Variants in ZNF385B observed in about 807,000 individuals in gnomAD.
ZNF385B encodes the protein zinc finger protein 385B.
A neutral mutation model predicts 39.2 loss-of-function variants in ZNF385B; 23 were observed. The observed-to-expected ratio is 0.59, with a 90% CI of 0.42 to 0.83. The LOEUF (loss-of-function observed/expected upper bound fraction) is 0.83, where lower values mean the gene tolerates loss of function less well. ZNF385B is among the 40% of genes least tolerant of loss of function. The pLI, the probability that ZNF385B is intolerant of heterozygous loss-of-function variation, is 0.00. For missense variants in ZNF385B, 552 were observed against 598.9 expected, an observed-to-expected ratio of 0.92 and a Z score of 0.82; for synonymous variants, 205 against 222.6, an observed-to-expected ratio of 0.92 and a Z score of 0.70.
intron 7 of ZNF385B, 71 bp from the exon 8 acceptor site, chr2:179,445,799 T>C: frequency 7.1e-7 from 1 of 1,404,096 alleles, no homozygotes; most frequent in Non-Finnish European, 9.4e-7. Context: ...TTCTTATCCT[T>C]GAGAAGTTTA....
intron 4 of ZNF385B, among the ~76,000 whole-genome samples, chr2:179,535,829 A>G (rs2059527789): frequency 6.6e-6 from 1 of 152,228 alleles, no homozygotes; most frequent in Non-Finnish European, 1.5e-5. Flanking sequence ...ATTCATCTTT[A>G]GCACCCTCAA....
At chr2:179,524,412 C>A (rs1411634293) in intron 4 of ZNF385B, among the ~76,000 whole-genome samples, 3 of 151,176 alleles carry the variant, frequency 2.0e-5, no homozygotes, top group East Asian at 1.9e-4. Context: ...ATTAGCCGGG[C>A]GTGGTGGTGG....
At chr2:179,601,034 C>T (rs1688368430) in intron 3 of ZNF385B, among the ~76,000 whole-genome samples, 1 of 152,212 alleles carries the variant, frequency 6.6e-6, no homozygotes, top group African/African-American at 2.4e-5. Flanking sequence ...ATTATAAACA[C>T]ATAGGCCATT....
chr2:179,598,461 C>T (rs1362875740), intron 3 of ZNF385B, among the ~76,000 whole-genome samples: 3 of 152,076 alleles, frequency 2.0e-5, no homozygotes, highest in African/African-American at 4.8e-5. Context: ...ATGGTTCTAA[C>T]GTGCTTTAGT....
Position 179,556,263 on chromosome 2 carries a change from C to T in ZNF385B, c.299-11294G>A, listed in dbSNP as rs146158235. Among the ~76,000 whole-genome samples the T allele has an allele frequency of 2.1e-3, 307 of 149,646 alleles. 14 individuals are homozygous for T. Among genetic ancestry groups the T allele is most frequent in the Middle Eastern group, 3.5e-3 (1 of 286 alleles). On this transcript the variant is annotated intron_variant, in intron 3 of 9. Coordinates refer to ENST00000410066, the MANE Select transcript of ZNF385B (RefSeq NM_152520.6). ...AACTATAGTTTCGTCAAACATGTGA[C>T]ATACTTCACTGGCTGCAATCCTTTT...
chr2:179,644,531 T>G (rs1281723149), intron 3 of ZNF385B, among the ~76,000 whole-genome samples: 1 of 152,208 alleles, frequency 6.6e-6, no homozygotes, highest in African/African-American at 2.4e-5. Flanking sequence ...GCCACAAATC[T>G]TTTAAAACTC....
chr2:179,624,277 C>A (rs1428503830), intron 3 of ZNF385B, among the ~76,000 whole-genome samples: 1 of 152,138 alleles, frequency 6.6e-6, no homozygotes, highest in African/African-American at 2.4e-5. Context: ...GTGATTCTTC[C>A]CAGAAGGGTC....
chr2:179,661,525 C>T (rs1336619639), intron 3 of ZNF385B, among the ~76,000 whole-genome samples: 1 of 152,158 alleles, frequency 6.6e-6, no homozygotes, highest in Non-Finnish European at 1.5e-5. Context: ...CTTATTGATT[C>T]TGTATCTCTG....
chr2:179,752,168 AGT>A (rs1017071882), intron 3 of ZNF385B, among the ~76,000 whole-genome samples: 1 of 151,896 alleles, frequency 6.6e-6, no homozygotes, highest in African/African-American at 2.4e-5. Flanking sequence ...CCCACCTATG[AGT>A]GAGAACACGT....
At chr2:179,605,075 T>C (rs977907159) in intron 3 of ZNF385B, among the ~76,000 whole-genome samples, 1 of 152,130 alleles carries the variant, frequency 6.6e-6, no homozygotes, top group African/African-American at 2.4e-5. Flanking sequence ...ATCTCAAGGA[T>C]TTTGGATGCC....
chr2:179,523,348 G>GTTTT (rs574497139), intron 4 of ZNF385B, among the ~76,000 whole-genome samples: 108 of 108,630 alleles, frequency 9.9e-4, no homozygotes, highest in African/African-American at 3.1e-3. Flanking sequence ...ATCTGTGTGC[G>GTTTT]TTTTTTTTTT....
At chr2:179,495,831 T>A (rs1165157159) in intron 5 of ZNF385B, among the ~76,000 whole-genome samples, 3 of 152,080 alleles carry the variant, frequency 2.0e-5, no homozygotes, top group Non-Finnish European at 4.4e-5. Context: ...ACAGCTTAGA[T>A]CACAATACCC....
chr2:179,489,176 C>G (rs763874842), intron 5 of ZNF385B, among the ~76,000 whole-genome samples: 1 of 152,166 alleles, frequency 6.6e-6, no homozygotes, highest in Non-Finnish European at 1.5e-5. Flanking sequence ...GAAGGTATTA[C>G]GGGCAAAGGG....
intron 3 of ZNF385B, among the ~76,000 whole-genome samples, chr2:179,715,450 T>C (rs1700274856): frequency 6.6e-6 from 1 of 152,166 alleles, no homozygotes. Flanking sequence ...ATGAGGATTG[T>C]AGGTAACTCC....
chr2:179,589,292 C>G (rs893695737), intron 3 of ZNF385B, among the ~76,000 whole-genome samples: 4 of 152,188 alleles, frequency 2.6e-5, no homozygotes, highest in African/African-American at 9.7e-5. Context: ...TAACTCTGGT[C>G]TAACTGGCTC....
chr2:179,792,888 A>G (rs758330102), intron 1 of ZNF385B, among the ~76,000 whole-genome samples: 5 of 152,234 alleles, frequency 3.3e-5, no homozygotes, highest in Admixed American at 6.5e-5. Flanking sequence ...CTCTGTTTGC[A>G]TAAGGCTGAA....
intron 3 of ZNF385B, among the ~76,000 whole-genome samples, chr2:179,709,995 A>G (rs1031651485): frequency 3.9e-5 from 6 of 152,210 alleles, no homozygotes; most frequent in African/African-American, 1.2e-4. Context: ...ACCAGACACA[A>G]AGTGCAGGAA....
intron 1 of ZNF385B, among the ~76,000 whole-genome samples, chr2:179,771,995 T>C (rs1203225969): frequency 6.6e-6 from 1 of 152,176 alleles, no homozygotes; most frequent in Non-Finnish European, 1.5e-5. Context: ...CACTTTCATC[T>C]GAAAATTTAA....
intron 3 of ZNF385B, among the ~76,000 whole-genome samples, chr2:179,565,212 A>G (rs2105976058): frequency 6.6e-6 from 1 of 152,286 alleles, no homozygotes; most frequent in Non-Finnish European, 1.5e-5. Flanking sequence ...GCTCTGTAAT[A>G]CTATACACCT....
Sources: allele counts gnomAD v4.1 joint callset (sites outside exome capture counted in the v4.1 genomes callset), GRCh38; gene constraint gnomAD v4.1.1; transcripts MANE v1.5; gene names NCBI Gene and HGNC (gene_info 2026-07-23, HGNC 2026-07-21).